HS3ST5: variants seen among roughly 807,000 people sequenced by gnomAD.
The protein encoded by HS3ST5 is heparan sulfate-glucosamine 3-sulfotransferase 5, also known as heparan sulfate glucosamine 3-O-sulfotransferase 5.
Under a neutral mutation model 25.4 loss-of-function variants are expected in HS3ST5, and 10 were observed. The ratio of observed to expected loss-of-function variants is 0.39; its 90% confidence interval spans 0.24 to 0.67. The LOEUF is 0.67. HS3ST5 is among the 30% of genes least tolerant of loss of function. The pLI, the probability that HS3ST5 is intolerant of heterozygous loss-of-function variation, is 0.44. For synonymous variants in HS3ST5, 170 were observed against 162.4 expected (o/e 1.05, Z -0.36); for missense variants, 324 against 420.7 (o/e 0.77, Z 2.01).
At chr6:114,328,455 A>ACT (rs1440378219) in intron 1 of HS3ST5, among the ~76,000 whole-genome samples, 2 of 152,152 alleles carry the variant, frequency 1.3e-5, no homozygotes, top group African/African-American at 4.8e-5. Context: ...CTGGCACTAG[A>ACT]CTACTTCTCA....
intron 3 of HS3ST5, among the ~76,000 whole-genome samples, chr6:114,125,405 T>C (rs565325568): frequency 1.3e-5 from 2 of 152,336 alleles, no homozygotes; most frequent in African/African-American, 4.8e-5. Flanking sequence ...ATATCAAAAA[T>C]AGTTGTAAAT....
At chr6:114,248,194 C>T (rs765237091) in intron 1 of HS3ST5, among the ~76,000 whole-genome samples, 2 of 135,284 alleles carry the variant, frequency 1.5e-5, no homozygotes, top group Admixed American at 7.5e-5. Context: ...GAGCGAGATT[C>T]CATCTCAAAA....
chr6:114,087,287 C>A (rs2114782808), intron 3 of HS3ST5, among the ~76,000 whole-genome samples: 1 of 152,306 alleles, frequency 6.6e-6, no homozygotes, highest in East Asian at 1.9e-4. Context: ...ATTGTTCTTC[C>A]TTCCCTGCAT....
chr6:114,234,192 T>A (rs1049807322), intron 1 of HS3ST5, among the ~76,000 whole-genome samples: 7 of 152,150 alleles, frequency 4.6e-5, no homozygotes, highest in Non-Finnish European at 8.8e-5. Context: ...GAAGCTTGCC[T>A]AAGGCATAGT....
intron 1 of HS3ST5, among the ~76,000 whole-genome samples, chr6:114,229,051 A>G (rs1441553337): frequency 6.6e-6 from 1 of 152,010 alleles, no homozygotes; most frequent in African/African-American, 2.4e-5. Flanking sequence ...TTTATTTTTG[A>G]TATGCAGGTG....
chr6:114,283,487 AT>A (rs556418674), intron 1 of HS3ST5, among the ~76,000 whole-genome samples: 116 of 152,028 alleles, frequency 7.6e-4, no homozygotes, highest in African/African-American at 2.7e-3. Flanking sequence ...AAATTAACAT[AT>A]TTTTGCTATT....
At chr6:114,138,633 C>T (rs1777754416) in intron 3 of HS3ST5, among the ~76,000 whole-genome samples, 1 of 152,128 alleles carries the variant, frequency 6.6e-6, no homozygotes, top group Non-Finnish European at 1.5e-5. Flanking sequence ...TGTACCGGAC[C>T]CATCTACGTG....
intron 3 of HS3ST5, among the ~76,000 whole-genome samples, chr6:114,064,719 A>T (rs945429971): frequency 1.2e-4 from 18 of 152,232 alleles, no homozygotes; most frequent in African/African-American, 4.3e-4. Flanking sequence ...TTAAGCCTAC[A>T]TACAGGATTA....
intron 1 of HS3ST5, among the ~76,000 whole-genome samples, chr6:114,280,970 T>C (rs1774081043): frequency 6.6e-6 from 1 of 152,048 alleles, no homozygotes; most frequent in African/African-American, 2.4e-5. Flanking sequence ...CATAAGATAG[T>C]AGCCTTGTAA....
At chr6:114,084,455 G>C (rs1190617258) in intron 3 of HS3ST5, 1 of 756,794 alleles carries the variant, frequency 1.3e-6, no homozygotes, top group Non-Finnish European at 2.4e-6. Context: ...TAGAAGTAGA[G>C]ATCAGGCATG....
At chr6:114,319,524 C>A (rs1775879236) in intron 1 of HS3ST5, among the ~76,000 whole-genome samples, 1 of 152,032 alleles carries the variant, frequency 6.6e-6, no homozygotes, top group Admixed American at 6.6e-5. Flanking sequence ...TTTAATTCTA[C>A]TTTTTTTCTC....
intron 3 of HS3ST5, among the ~76,000 whole-genome samples, chr6:114,103,857 A>ATTTTTTTTTTTTTTTTTTTTTTTTTT (rs71553394): frequency 2.8e-5 from 3 of 107,148 alleles, no homozygotes; most frequent in African/African-American, 3.7e-5. Flanking sequence ...CACCTGGCTA[A>ATTTTTTTTTTTTTTTTTTTTTTTTTT]TTTTTTTTTT....
intron 2 of HS3ST5, among the ~76,000 whole-genome samples, chr6:114,225,553 C>G (rs1782252504): frequency 6.6e-6 from 1 of 151,834 alleles, no homozygotes; most frequent in Admixed American, 6.6e-5. Context: ...ACTTTGAACC[C>G]TAGTGACTCC....
chr6:114,307,806 A>G (rs1441915812), intron 1 of HS3ST5, among the ~76,000 whole-genome samples: 3 of 152,018 alleles, frequency 2.0e-5, no homozygotes, highest in African/African-American at 7.2e-5. Flanking sequence ...GTGAATTAAA[A>G]TTTCTTATCA....
chr6:114,281,591 T>C lies in HS3ST5; in HGVS notation c.-338-52813A>G, dbSNP rs138738396. 1.2e-3 allele frequency among the ~76,000 whole-genome samples: 186 copies of C among 152,034 alleles called. 1 individual carries two copies. The highest frequency in any genetic ancestry group is 4.3e-3 in the African/African-American group (179 of 41,512). ...TTAGGGATAGTGAGGAAGTGGGAAA[T>C]CAAACTTGGAGAGAGAGGTAAGCTT... On this transcript the variant is annotated intron_variant, in intron 1 of 4. Transcript: ENST00000312719.
intron 2 of HS3ST5, among the ~76,000 whole-genome samples, chr6:114,195,488 T>TA (rs879742381): frequency 2.4e-4 from 35 of 147,366 alleles, no homozygotes; most frequent in South Asian, 4.3e-4. Flanking sequence ...GAATGCAAAT[T>TA]AAAAAAAAAA....
chr6:114,061,662 A>G (rs1027969387), intron 4 of HS3ST5, among the ~76,000 whole-genome samples: 2 of 152,164 alleles, frequency 1.3e-5, no homozygotes, highest in Non-Finnish European at 2.9e-5. Context: ...TTAATTTTAA[A>G]GGGCCAGCCA....
intron 3 of HS3ST5, among the ~76,000 whole-genome samples, chr6:114,094,936 G>T (rs1340330484): frequency 1.7e-4 from 26 of 152,154 alleles, no homozygotes. Flanking sequence ...ACCTTCAGCT[G>T]CTAGAAACTG....
At chr6:114,250,464 C>G (rs1051937506) in intron 1 of HS3ST5, among the ~76,000 whole-genome samples, 1 of 151,794 alleles carries the variant, frequency 6.6e-6, no homozygotes, top group Non-Finnish European at 1.5e-5. Context: ...GCCTGTAGTC[C>G]CAGCTACTCG....
Sources: allele counts gnomAD v4.1 joint callset (sites outside exome capture counted in the v4.1 genomes callset), GRCh38; gene constraint gnomAD v4.1.1; transcripts MANE v1.5; gene names NCBI Gene and HGNC (gene_info 2026-07-23, HGNC 2026-07-21).